The following ZCCHC17 variants were observed in gnomAD, a reference collection of about 807,000 sequenced individuals.
ZCCHC17 encodes zinc finger CCHC-type containing 17, also known as zinc finger CCHC domain-containing protein 17.
In ZCCHC17, 18 loss-of-function variants were observed where a neutral mutation model predicts 30.6. The observed-to-expected ratio is 0.59, with a 90% CI of 0.41 to 0.87. The LOEUF (loss-of-function observed/expected upper bound fraction) is 0.87. Ranked by LOEUF, ZCCHC17 falls within the 40% of genes least tolerant of loss-of-function variation. The probability of loss-of-function intolerance (pLI) is 0.00; values close to 1 mark genes in which losing one functional copy is unlikely to be tolerated. For missense variants in ZCCHC17, 263 were observed against 284.2 expected, an observed-to-expected ratio of 0.93 and a Z score of 0.54; for synonymous variants, 88 against 92.4, an observed-to-expected ratio of 0.95 and a Z score of 0.27.
intron 5 of ZCCHC17, among the ~76,000 whole-genome samples, chr1:31,345,354 C>T (rs569986079): frequency 6.6e-6 from 1 of 150,824 alleles, no homozygotes; most frequent in South Asian, 2.1e-4. Flanking sequence ...GACAGGGTTT[C>T]ACCTTGTTAG....
intron 7 of ZCCHC17, among the ~76,000 whole-genome samples, chr1:31,360,832 T>C (rs1569948301): frequency 1.3e-5 from 2 of 152,356 alleles, no homozygotes; most frequent in East Asian, 3.9e-4. Context: ...TTTTTCCATC[T>C]GTAAAATGGG....
At chr1:31,326,984 G>C (rs1392321785) in intron 3 of ZCCHC17, among the ~76,000 whole-genome samples, 1 of 152,116 alleles carries the variant, frequency 6.6e-6, no homozygotes, top group Non-Finnish European at 1.5e-5. Flanking sequence ...ATTTGAGCTG[G>C]TTTCCCAGAT....
rs1029372788 is a variant in ZCCHC17 at position 31,360,912 on chromosome 1, C to A, written c.565-3120C>A. On this transcript the variant is annotated intron_variant, in intron 7 of 7. Transcript: ENST00000344147. The stretch of plus-strand genomic sequence containing the variant: ...ATAAGGATGCAAAAAGCTTGATAAA[C>A]TAAAGCACTGTTTAGGTGTAAGGCA... Among the ~76,000 whole-genome samples, 8 of 152,316 alleles carry A rather than the reference C, an allele frequency of 5.3e-5. No individual in the cohort carries two copies. The South Asian group carries it at 1.7e-3, about 32-fold the overall frequency.
At chr1:31,355,146 G>A (rs1484821228) in intron 7 of ZCCHC17, among the ~76,000 whole-genome samples, 6 of 148,432 alleles carry the variant, frequency 4.0e-5, no homozygotes, top group African/African-American at 1.5e-4. Context: ...CTGCACTCCA[G>A]CCTGGGCGAC....
intron 3 of ZCCHC17, among the ~76,000 whole-genome samples, chr1:31,334,329 CTCTCTCTCTGTGTGTG>C (rs1480893046): frequency 4.9e-5 from 3 of 61,250 alleles, no homozygotes; most frequent in African/African-American, 1.4e-4. Context: ...CTCTCTCTCT[CTCTCTCTCTGTGTGTG>C]TGTGTGTGTG....
chr1:31,355,598 T>C (rs1014608778), intron 7 of ZCCHC17, among the ~76,000 whole-genome samples: 1 of 152,214 alleles, frequency 6.6e-6, no homozygotes, highest in African/African-American at 2.4e-5. Flanking sequence ...AACAATATTC[T>C]TTTCTGTATA....
intron 5 of ZCCHC17, among the ~76,000 whole-genome samples, chr1:31,345,188 G>A (rs1173836203): frequency 3.3e-5 from 5 of 151,484 alleles, no homozygotes; most frequent in Admixed American, 6.6e-5. Context: ...ACAGAGTCTC[G>A]CTCTGTCGCC....
intron 1 of ZCCHC17, among the ~76,000 whole-genome samples, chr1:31,302,907 C>G (rs1469406420): frequency 6.6e-6 from 1 of 152,136 alleles, no homozygotes; most frequent in Non-Finnish European, 1.5e-5. Flanking sequence ...GATTACAGTT[C>G]AAGATGAAAT....
At chr1:31,360,162 T>C (rs2148484258) in intron 7 of ZCCHC17, among the ~76,000 whole-genome samples, 1 of 141,690 alleles carries the variant, frequency 7.1e-6, no homozygotes, top group Middle Eastern at 4.0e-3. Flanking sequence ...TTTTTGTGTG[T>C]GCGTGTTTTG....
chr1:31,312,872 A>G (rs1301441644), intron 2 of ZCCHC17, among the ~76,000 whole-genome samples: 1 of 151,948 alleles, frequency 6.6e-6, no homozygotes. Flanking sequence ...TCCCAGGTTC[A>G]AGCAATTCTC....
chr1:31,329,149 A>G (rs1221552770), intron 3 of ZCCHC17, among the ~76,000 whole-genome samples: 1 of 152,110 alleles, frequency 6.6e-6, no homozygotes, highest in African/African-American at 2.4e-5. Context: ...AACAGAATAC[A>G]CTCCTATCAC....
intron 2 of ZCCHC17, among the ~76,000 whole-genome samples, chr1:31,312,768 C>G (rs1245794615): frequency 4.6e-5 from 7 of 152,098 alleles, no homozygotes; most frequent in Non-Finnish European, 1.0e-4. Flanking sequence ...TTTGCTTGTT[C>G]ATTTGTTTGA....
intron 1 of ZCCHC17, among the ~76,000 whole-genome samples, chr1:31,307,980 G>T (rs958434625): frequency 6.6e-6 from 1 of 152,138 alleles, no homozygotes; most frequent in Non-Finnish European, 1.5e-5. Flanking sequence ...TCACTAATAC[G>T]TTTCAAGTGT....
intron 7 of ZCCHC17, among the ~76,000 whole-genome samples, chr1:31,353,784 A>G (rs1399610544): frequency 6.6e-6 from 1 of 152,192 alleles, no homozygotes; most frequent in Non-Finnish European, 1.5e-5. Context: ...GTTGAAAATC[A>G]TTTGACCAAA....
At chr1:31,358,181 G>A (rs910850859) in intron 7 of ZCCHC17, among the ~76,000 whole-genome samples, 6 of 151,518 alleles carry the variant, frequency 4.0e-5, no homozygotes, top group African/African-American at 1.5e-4. Flanking sequence ...GAAAGAGTGT[G>A]GCATGATTAA....
In ZCCHC17 at chr1:31,301,787, C is replaced by G. The variant is rs182042462; in HGVS notation, c.-56+4712C>G. Among the ~76,000 whole-genome samples, 696 of 152,208 alleles carry G rather than the reference C, an allele frequency of 4.6e-3. 9 individuals are homozygous for G. The highest frequency in any genetic ancestry group is 0.016 in the African/African-American group (665 of 41,524). On this transcript the variant is annotated intron_variant, in intron 1 of 7. Coordinates refer to ENST00000344147, the MANE Select transcript of ZCCHC17 (RefSeq NM_016505.4). ...TTCTGAGTTCATCTTTTGTGTTTTT[C>G]CTGGCATTTTACTATTCCTCTTTCC...
At chr1:31,334,910 A>G (rs564788213) in intron 3 of ZCCHC17, among the ~76,000 whole-genome samples, 1 of 152,326 alleles carries the variant, frequency 6.6e-6, no homozygotes, top group Non-Finnish European at 1.5e-5. Context: ...TGAAGCATAT[A>G]GTTTTTCCTA....
At position 31,346,174 on chromosome 1, in the gene ZCCHC17, ACTGC is replaced by A. The variant is rs540087029; in HGVS notation, c.318-462_318-459del. Reference sequence around the variant, plus strand: ...ACAGAGCATTTCAGAGAGGGGGAGAACTGCCTGAGCAAAAGCACTGAGCCACATG... The same window carrying A: ...ACAGAGCATTTCAGAGAGGGGGAGAACTGAGCAAAAGCACTGAGCCACATG... On this transcript the variant is annotated intron_variant, in intron 5 of 7. Transcript: ENST00000344147. Among the ~76,000 whole-genome samples, 4 of 152,298 alleles carry A rather than the reference ACTGC, an allele frequency of 2.6e-5. No individual in the cohort carries two copies. The South Asian group carries it at 8.3e-4, about 32-fold the overall frequency.
rs562192271 is a variant in ZCCHC17, at chr1:31,323,824, C to T, written c.124+4658C>T. On this transcript the variant is annotated intron_variant, in intron 3 of 7. Coordinates refer to ENST00000344147, the MANE Select transcript of ZCCHC17 (RefSeq NM_016505.4). ...GGATACTTTTACTCTCTATCAGGAG[C>T]ATAATTTCACAGACTTTGGCAATGC... Among the ~76,000 whole-genome samples the T allele has an allele frequency of 8.5e-5, 13 of 152,302 alleles. No individual in the cohort carries two copies. The South Asian group carries it at 2.3e-3, about 27-fold the overall frequency.
Sources: allele counts gnomAD v4.1 joint callset (sites outside exome capture counted in the v4.1 genomes callset), GRCh38; gene constraint gnomAD v4.1.1; transcripts MANE v1.5; gene names NCBI Gene and HGNC (gene_info 2026-07-23, HGNC 2026-07-21).